Variants in PCBP3 observed in about 807,000 individuals in gnomAD.
PCBP3 encodes poly(rC)-binding protein 3.
In PCBP3, 25 loss-of-function variants were observed where a neutral mutation model predicts 52.7. The observed-to-expected ratio is 0.47, with a 90% confidence interval of 0.35 to 0.66. The LOEUF is 0.66. Among genes scored for constraint, PCBP3 ranks in the 30% least tolerant of loss-of-function variants. The pLI is 0.01. For synonymous variants in PCBP3, 162 were observed against 183.0 expected (o/e 0.89, Z 0.93); for missense variants, 391 against 490.3 (o/e 0.80, Z 1.91).
At chr21:45,760,416 G>A (rs1247695098) in intron 4 of PCBP3, 1 of 152,160 alleles carries the variant, frequency 6.6e-6, no homozygotes, top group African/African-American at 2.4e-5. Flanking sequence ...GCTCTAAGAA[G>A]GCATTATAAA....
intron 5 of PCBP3, among the ~76,000 whole-genome samples, chr21:45,876,382 C>CCT: frequency 6.6e-6 from 1 of 152,180 alleles, no homozygotes; most frequent in South Asian, 2.1e-4. Flanking sequence ...TGGCTATGGT[C>CCT]AGGAAAATTC....
intron 4 of PCBP3, among the ~76,000 whole-genome samples, chr21:45,810,988 C>A (rs758127911): frequency 1.5e-4 from 23 of 152,066 alleles, no homozygotes; most frequent in Admixed American, 1.0e-3. Flanking sequence ...TAATATCTAC[C>A]GGATCAGTAC....
At chr21:45,725,845 G>A (rs2084990736) in intron 2 of PCBP3, among the ~76,000 whole-genome samples, 1 of 151,124 alleles carries the variant, frequency 6.6e-6, no homozygotes, top group South Asian at 2.1e-4. Flanking sequence ...CGTGCATGGA[G>A]CAAAGACCTG....
intron 4 of PCBP3, among the ~76,000 whole-genome samples, chr21:45,848,624 T>C (rs1041409091): frequency 6.6e-6 from 1 of 152,238 alleles, no homozygotes; most frequent in East Asian, 1.9e-4. Context: ...TGTCATTCTC[T>C]TTCATTTCTG....
intron 4 of PCBP3, chr21:45,761,144 T>G (rs2088614078): frequency 6.6e-6 from 1 of 152,220 alleles, no homozygotes; most frequent in African/African-American, 2.4e-5. Flanking sequence ...AGCACAGTGT[T>G]GCCACGTGGA....
chr21:45,784,918 G>A (rs1202007393), intron 4 of PCBP3, among the ~76,000 whole-genome samples: 7 of 152,062 alleles, frequency 4.6e-5, no homozygotes, highest in African/African-American at 1.7e-4. Flanking sequence ...CTGCCTGGCC[G>A]CCCATCGTCT....
At chr21:45,885,485 C>A (rs567377114) in intron 5 of PCBP3, among the ~76,000 whole-genome samples, 3 of 152,238 alleles carry the variant, frequency 2.0e-5, no homozygotes, top group South Asian at 4.1e-4. Context: ...TTATCCCCAT[C>A]CCCTTTGTTC....
intron 4 of PCBP3, chr21:45,828,677 T>A (rs1243562403): frequency 6.5e-6 from 1 of 152,782 alleles, no homozygotes; most frequent in African/African-American, 2.4e-5. Context: ...TCAGGCTGGG[T>A]GGGCTCTGTG....
At chr21:45,693,935 CAT>C (rs1303324005) in intron 2 of PCBP3, among the ~76,000 whole-genome samples, 1 of 152,072 alleles carries the variant, frequency 6.6e-6, no homozygotes, top group Admixed American at 6.5e-5. Context: ...GAATCTATAA[CAT>C]GTAAAAATAT....
intron 2 of PCBP3, among the ~76,000 whole-genome samples, chr21:45,721,516 G>A (rs553173342): frequency 2.0e-5 from 3 of 151,682 alleles, no homozygotes; most frequent in African/African-American, 4.8e-5. Context: ...TTGTGGCCTC[G>A]AGTTCACAAT....
chr21:45,653,120 A>G (rs1024705511), intron 1 of PCBP3, among the ~76,000 whole-genome samples: 2 of 152,146 alleles, frequency 1.3e-5, no homozygotes, highest in Non-Finnish European at 2.9e-5. Context: ...CCTGCTTTCT[A>G]TGATTTTAAT....
chr21:45,672,540 G>C (rs992359499), intron 2 of PCBP3, among the ~76,000 whole-genome samples: 1 of 151,922 alleles, frequency 6.6e-6, no homozygotes, highest in Non-Finnish European at 1.5e-5. Context: ...ATCTATTTGC[G>C]TCTGGTAGTT....
At chr21:45,935,449 C>T in intron 16 of PCBP3, 144 bp downstream of exon 16, 1 of 711,630 alleles carries the variant, frequency 1.4e-6, no homozygotes, top group Non-Finnish European at 2.6e-6. Context: ...TCTGTGTCCT[C>T]CCTCCTTTCC....
At chr21:45,886,207 G>A in intron 5 of PCBP3, among the ~76,000 whole-genome samples, 1 of 129,432 alleles carries the variant, frequency 7.7e-6, no homozygotes, top group South Asian at 3.2e-4. Context: ...GTGAGGTGTG[G>A]AGGCCTCATT....
intron 5 of PCBP3, among the ~76,000 whole-genome samples, chr21:45,889,233 G>A (rs2095595546): frequency 1.3e-5 from 2 of 152,190 alleles, no homozygotes; most frequent in Admixed American, 1.3e-4. Context: ...GAGAGGAGCT[G>A]TTAAATGTAA....
At chr21:45,843,102 A>G (rs1425786758) in intron 4 of PCBP3, among the ~76,000 whole-genome samples, 2 of 151,588 alleles carry the variant, frequency 1.3e-5, no homozygotes, top group African/African-American at 2.4e-5. Flanking sequence ...CCGCTGTGTC[A>G]TTCTCCAAAT....
Position 45,821,248 on chromosome 21 carries a change from A to C in PCBP3, c.-125-28713A>C, listed in dbSNP as rs562350313. Among the ~76,000 whole-genome samples, 2 of 151,146 alleles carry C rather than the reference A, an allele frequency of 1.3e-5. No individual in the cohort carries two copies. The highest frequency in any genetic ancestry group is 6.6e-5 in the Admixed American group (1 of 15,158). The stretch of plus-strand genomic sequence containing the variant: ...GCCTCTCCCTAATCCTGGATTCCGC[A>C]GGGGCTCCAAGACCCTCAGGGTCGC... On this transcript the variant is annotated intron_variant, in intron 4 of 17. Coordinates refer to ENST00000681687, the MANE Select transcript of PCBP3 (RefSeq NM_001384156.1). The surrounding 1 kb of genome is among the most constrained non-coding windows in gnomAD (Gnocchi z 4.4).
chr21:45,787,389 C>T (rs1490592493), intron 4 of PCBP3, among the ~76,000 whole-genome samples: 3 of 151,812 alleles, frequency 2.0e-5, no homozygotes, highest in Non-Finnish European at 2.9e-5. Flanking sequence ...GGACTACAGG[C>T]GCGTGTCACC....
intron 5 of PCBP3, among the ~76,000 whole-genome samples, chr21:45,874,544 G>A (rs1025655936): frequency 5.8e-5 from 8 of 138,020 alleles, no homozygotes; most frequent in South Asian, 2.3e-4. Flanking sequence ...TTGCTCTGTC[G>A]TCCCGGGCTG....
Sources: gnomAD v4.1 joint callset for allele counts (sites outside exome capture counted in the v4.1 genomes callset) on GRCh38, gnomAD v4.1.1 for gene constraint, Gnocchi (gnomAD v3.1) non-coding constraint, MANE v1.5 for transcripts, NCBI Gene and HGNC (gene_info 2026-07-23, HGNC 2026-07-21) for gene names.